COLEC12: variants seen among roughly 807,000 people sequenced by gnomAD.
COLEC12 encodes collectin subfamily member 12, also known as collectin-12.
Under a neutral mutation model 71.1 loss-of-function variants are expected in COLEC12, and 33 were observed. The ratio of observed to expected loss-of-function variants is 0.46; its 90% CI spans 0.35 to 0.62. The LOEUF is 0.62. Among genes scored for constraint, COLEC12 ranks in the 20% least tolerant of loss-of-function variants. The pLI is 0.00. For missense variants in COLEC12, 765 were observed against 916.1 expected (o/e 0.84, Z 2.13); for synonymous variants, 350 against 353.0 (o/e 0.99, Z 0.10).
intron 3 of COLEC12, among the ~76,000 whole-genome samples, chr18:355,595 A>C (rs545415689): frequency 6.6e-6 from 1 of 152,314 alleles, no homozygotes; most frequent in African/African-American, 2.4e-5. Flanking sequence ...CACAGGTAAA[A>C]ATTACAACAT....
In COLEC12 at chr18:413,431, T is replaced by C. The variant is rs112173375; in HGVS notation, c.59-55909A>G. Among the ~76,000 whole-genome samples, 596 of 152,290 alleles carry C rather than the reference T, an allele frequency of 3.9e-3. 2 individuals carry two copies. Among genetic ancestry groups the C allele is most frequent in the African/African-American group, 0.013 (555 of 41,550 alleles). On this transcript the variant is annotated intron_variant, in intron 2 of 9. Transcript: ENST00000400256. ...AAAATGGTACAGTCACTCTGGAAAATAGTTTGGCAGTTTCTAAAACAATGG... is the reference window on the plus strand; with the variant it reads ...AAAATGGTACAGTCACTCTGGAAAACAGTTTGGCAGTTTCTAAAACAATGG...
chr18:355,730 G>T (rs1567882500), intron 3 of COLEC12, among the ~76,000 whole-genome samples: 2 of 152,142 alleles, frequency 1.3e-5, no homozygotes, highest in Admixed American at 1.3e-4. Context: ...GGCTCACTAG[G>T]AAAAGTCATG....
chr18:492,039 G>A (rs140337648), intron 1 of COLEC12, among the ~76,000 whole-genome samples: 209 of 152,254 alleles, frequency 1.4e-3, no homozygotes, highest in African/African-American at 4.7e-3. Context: ...TAATTAGATC[G>A]GCCTTCCATT....
At chr18:384,259 C>A (rs1212668267) in intron 2 of COLEC12, among the ~76,000 whole-genome samples, 4 of 152,108 alleles carry the variant, frequency 2.6e-5, no homozygotes, top group Non-Finnish European at 4.4e-5. Flanking sequence ...TCGCAGTGTG[C>A]AGCCAAGGTT....
chr18:352,797 G>A (rs1379442904), intron 3 of COLEC12, among the ~76,000 whole-genome samples: 2 of 152,128 alleles, frequency 1.3e-5, no homozygotes, highest in Non-Finnish European at 2.9e-5. Flanking sequence ...TCTCAATCAG[G>A]AATACAGTCG....
Position 327,700 on chromosome 18 carries a change from C to T in COLEC12, c.2063+3968G>A, listed in dbSNP as rs140813962. On this transcript the variant is annotated intron_variant, in intron 8 of 9. Coordinates refer to ENST00000400256, the MANE Select transcript of COLEC12 (RefSeq NM_130386.3). The surrounding 1 kb of genome is among the most constrained non-coding windows in gnomAD (Gnocchi z 4.0). The stretch of plus-strand genomic sequence containing the variant: ...TATCCCTCGTCTATTTGCTCTTTAA[C>T]AGTAACCACAAAACCTGCAAACTGT... 3.8e-3 allele frequency among the ~76,000 whole-genome samples: 577 copies of T among 152,348 alleles called. 3 individuals are homozygous for T. Among genetic ancestry groups the T allele is most frequent in the African/African-American group, 0.013 (545 of 41,576 alleles).
Position 500,530 on chromosome 18 carries a change from G to A in COLEC12, c.-16C>T, listed in dbSNP as rs1223760054. ...TACCTTTCATGGTGACCGTGGGGACGCACCGCCGGCCGGGGAGCTCCGCGC... is the reference window on the plus strand; with the variant it reads ...TACCTTTCATGGTGACCGTGGGGACACACCGCCGGCCGGGGAGCTCCGCGC... On this transcript the variant is annotated 5_prime_UTR_variant, in exon 1 of 10. Coordinates refer to ENST00000400256, the MANE Select transcript of COLEC12 (RefSeq NM_130386.3). The surrounding 1 kb of genome is among the most constrained non-coding windows in gnomAD (Gnocchi z 5.3). 58 of 1,225,886 alleles carry A rather than the reference G, an allele frequency of 4.7e-5. No homozygotes were observed. The highest frequency in any genetic ancestry group is 5.7e-5 in the Non-Finnish European group (56 of 984,264). 75.9% of individuals were successfully genotyped at this position (1,225,886 alleles called of 1,614,324 possible).
intron 2 of COLEC12, among the ~76,000 whole-genome samples, chr18:422,770 G>A (rs552568696): frequency 1.1e-4 from 17 of 152,192 alleles, no homozygotes; most frequent in South Asian, 8.3e-4. Context: ...GGGCGAGTCC[G>A]GTTATTTGCT....
At chr18:388,950 T>C (rs975348528) in intron 2 of COLEC12, among the ~76,000 whole-genome samples, 1 of 152,116 alleles carries the variant, frequency 6.6e-6, no homozygotes, top group African/African-American at 2.4e-5. Flanking sequence ...AAGTACTTCT[T>C]CCTCCTATAA....
chr18:484,801 T>C (rs1174029886), intron 1 of COLEC12, among the ~76,000 whole-genome samples: 1 of 152,222 alleles, frequency 6.6e-6, no homozygotes, highest in African/African-American at 2.4e-5. Context: ...AAAAGCTTGG[T>C]GCACAGTTTA....
At chr18:411,471 A>G (rs1915892529) in intron 2 of COLEC12, among the ~76,000 whole-genome samples, 1 of 152,220 alleles carries the variant, frequency 6.6e-6, no homozygotes, top group African/African-American at 2.4e-5. Flanking sequence ...AATTATTAAT[A>G]TGTTTCAAAC....
intron 2 of COLEC12, among the ~76,000 whole-genome samples, chr18:397,826 G>T (rs758321508): frequency 2.0e-5 from 3 of 152,210 alleles, no homozygotes; most frequent in Non-Finnish European, 4.4e-5. Flanking sequence ...AAAGGCCAAA[G>T]ATTGGCCCAT....
chr18:361,584 C>A (rs1408644731), intron 2 of COLEC12, among the ~76,000 whole-genome samples: 2 of 152,230 alleles, frequency 1.3e-5, no homozygotes, highest in African/African-American at 4.8e-5. Context: ...CCACCACACA[C>A]ACGGACCAGC....
chr18:418,494 G>A (rs148711824), intron 2 of COLEC12, among the ~76,000 whole-genome samples: 1,562 of 152,276 alleles, frequency 0.01, 25 homozygotes, highest in African/African-American at 0.035. Context: ...GGTAAAATGA[G>A]GCTGAAACCT....
At chr18:368,845 A>G (rs111564480) in intron 2 of COLEC12, among the ~76,000 whole-genome samples, 1,603 of 152,288 alleles carry the variant, frequency 0.011, 13 homozygotes, top group South Asian at 0.016. Flanking sequence ...CAGCCTGGGC[A>G]ACAGAGCGAG....
chr18:348,037 T>G, intron 4 of COLEC12, 28 bp downstream of exon 4: 1 of 1,447,296 alleles, frequency 6.9e-7, no homozygotes, highest in Non-Finnish European at 9.7e-7. Flanking sequence ...GTCAGGGGAT[T>G]TCATGGTTTA....
At chr18:487,001 T>C (rs73358574) in intron 1 of COLEC12, among the ~76,000 whole-genome samples, 1,713 of 152,160 alleles carry the variant, frequency 0.011, 39 homozygotes, top group African/African-American at 0.039. Context: ...CATATGTCCA[T>C]ACAAAAATCT....
intron 2 of COLEC12, among the ~76,000 whole-genome samples, chr18:450,894 T>C (rs899398953): frequency 2.0e-5 from 3 of 149,390 alleles, no homozygotes; most frequent in Admixed American, 6.7e-5. Flanking sequence ...AAGGAATTTA[T>C]TGGGAACTGG....
At chr18:473,658 C>A (rs190739233) in intron 2 of COLEC12, among the ~76,000 whole-genome samples, 1 of 152,192 alleles carries the variant, frequency 6.6e-6, no homozygotes, top group Admixed American at 6.5e-5. Context: ...CCACAGCGCC[C>A]GGCCTCAACT....
Sources: allele counts gnomAD v4.1 joint callset (sites outside exome capture counted in the v4.1 genomes callset), GRCh38; gene constraint gnomAD v4.1.1; non-coding constraint Gnocchi (gnomAD v3.1); transcripts MANE v1.5; gene names NCBI Gene and HGNC (gene_info 2026-07-23, HGNC 2026-07-21).